The following UGT1A9 variants were observed in gnomAD, a reference collection of about 807,000 sequenced individuals.
UGT1A9 encodes the protein UDP-glucuronosyltransferase 1A9.
A neutral mutation model predicts 45.0 loss-of-function variants in UGT1A9; 35 were observed. That is an observed-to-expected ratio of 0.78 (90% CI 0.59 to 1.03). The LOEUF is 1.03. UGT1A9 is among the 50% of genes least tolerant of loss of function. The pLI is 0.00. For synonymous variants in UGT1A9, 278 were observed against 250.6 expected (o/e 1.11, Z -1.03); for missense variants, 687 against 666.6 (o/e 1.03, Z -0.34).
In UGT1A9 at chr2:233,760,439, A is replaced by C. The variant is rs1697446829; in HGVS notation, c.856-6595A>C. ...ATGCTTGGGGCCATCCAGCAGCTGC[A>C]GCAGAGGGGACATGAAATAGTTGTC... On this transcript the variant is annotated intron_variant, in intron 1 of 4. Transcript: ENST00000354728. 6.2e-7 allele frequency: 1 copy of C among 1,614,254 alleles called. No individual in the cohort carries two copies. The highest frequency in any genetic ancestry group is 1.7e-5 in the Admixed American group (1 of 60,030).
rs1268856154 is a variant in UGT1A9 at position 233,672,631 on chromosome 2, G to A, written c.697G>A (p.Glu233Lys). ...CAAAAATGCCCTAGAAATAGCCTCT[G>A]AAATTCTCCAAACACCTGTTACGGA... The part of the protein sequence containing the change: ...FFKNALEIAS[E>K]ILQTPVTEYD... Residue 233 changes from glutamate to lysine, a missense_variant, in exon 1 of 5, where the codon GAA becomes AAA. Glu to Lys is a moderately conservative substitution (Grantham distance 56, BLOSUM62 1). Coordinates refer to ENST00000354728, the MANE Select transcript of UGT1A9 (RefSeq NM_021027.3). The A allele has an allele frequency of 6.2e-7, 1 of 1,613,892 alleles. No individual in the cohort carries two copies. Among genetic ancestry groups the A allele is most frequent in the Non-Finnish European group, 8.5e-7 (1 of 1,179,834 alleles).
chr2:233,719,216 G>A (rs767651988), intron 1 of UGT1A9: 7 of 1,614,090 alleles, frequency 4.3e-6, no homozygotes, highest in East Asian at 4.5e-5. Context: ...TGGAGCTACT[G>A]CATAATGAGG....
At chr2:233,682,907 T>C in intron 1 of UGT1A9, 1 of 1,496,792 alleles carries the variant, frequency 6.7e-7, no homozygotes, top group Non-Finnish European at 8.8e-7. Flanking sequence ...TTCTTTCTGG[T>C]TTAAGGAATT....
At chr2:233,720,704 CTT>C (rs796417980) in intron 1 of UGT1A9, among the ~76,000 whole-genome samples, 9 of 139,144 alleles carry the variant, frequency 6.5e-5, no homozygotes, top group Non-Finnish European at 6.3e-5. Context: ...GGGAGCCATC[CTT>C]TTTTTTTTTT....
Position 233,772,339 on chromosome 2 carries a change from G to C in UGT1A9, c.1373G>C (p.Trp458Ser), listed in dbSNP as rs1424603943. 4.3e-6 allele frequency: 7 copies of C among 1,614,256 alleles called. No individual in the cohort carries two copies. Among genetic ancestry groups the C allele is most frequent in the Non-Finnish European group, 5.9e-6 (7 of 1,180,038 alleles). ...GAGCCGCTGGACCTGGCCGTGTTCT[G>C]GGTGGAGTTTGTGATGAGGCACAAG... ...PVEPLDLAVF[W>S]VEFVMRHKGA... is the part of the protein sequence containing the mutation. The change falls in exon 5 of 5, where the codon TGG becomes TCG. Residue 458 changes from tryptophan to serine, a missense_variant. Transcript: ENST00000354728.
intron 1 of UGT1A9, chr2:233,721,756 A>G (rs2076969655): frequency 2.2e-6 from 1 of 460,672 alleles, no homozygotes. Flanking sequence ...ATCTACATCT[A>G]AATTGTTATA....
chr2:233,692,909 GA>G, intron 1 of UGT1A9: 1 of 1,555,664 alleles, frequency 6.4e-7, no homozygotes, highest in Non-Finnish European at 8.6e-7. Context: ...CAGGACCTGT[GA>G]AAAGCAGTGG....
chr2:233,682,812 G>A lies in UGT1A9; in HGVS notation c.855+10023G>A, dbSNP rs1274355899. On this transcript the variant is annotated intron_variant, in intron 1 of 4. Coordinates refer to ENST00000354728, the MANE Select transcript of UGT1A9 (RefSeq NM_021027.3). ...CCTATGGTAAGTTATCTCCCCTTTA[G>A]CACATTAAGAATAATCTGGCTTTGG... The A allele has an allele frequency of 3.8e-6, 6 of 1,593,294 alleles. No homozygotes were observed. In the Admixed American group the frequency reaches 8.7e-5, roughly 23 times the overall value.
At chr2:233,770,330 A>G (rs757778787) in intron 4 of UGT1A9, 1 of 152,126 alleles carries the variant, frequency 6.6e-6, no homozygotes, top group East Asian at 1.9e-4. Flanking sequence ...ACCAGGCCAT[A>G]ATAGGTGCTC....
chr2:233,713,530 T>C (rs1170777444), intron 1 of UGT1A9: 2 of 1,613,964 alleles, frequency 1.2e-6, no homozygotes, highest in Non-Finnish European at 1.7e-6. Context: ...CCATGTGATT[T>C]AGACTTTAAG....
At chr2:233,738,152 A>T (rs1172003617) in intron 1 of UGT1A9, among the ~76,000 whole-genome samples, 1 of 152,050 alleles carries the variant, frequency 6.6e-6, no homozygotes, top group African/African-American at 2.4e-5. Flanking sequence ...CTTGCAAGCT[A>T]TTCCTCTTTC....
At chr2:233,694,827 CAT>C (rs1183581356) in intron 1 of UGT1A9, among the ~76,000 whole-genome samples, 2 of 152,188 alleles carry the variant, frequency 1.3e-5, no homozygotes, top group African/African-American at 4.8e-5. Flanking sequence ...GAAATAAAAA[CAT>C]AGAATGTCAG....
At chr2:233,711,370 A>C (rs1322789825) in intron 1 of UGT1A9, among the ~76,000 whole-genome samples, 1 of 152,234 alleles carries the variant, frequency 6.6e-6, no homozygotes, top group Non-Finnish European at 1.5e-5. Flanking sequence ...GAATGTGGTG[A>C]GAGCACCCTC....
chr2:233,676,347 A>G (rs559210336), intron 1 of UGT1A9, among the ~76,000 whole-genome samples: 1 of 152,328 alleles, frequency 6.6e-6, no homozygotes, highest in African/African-American at 2.4e-5. Context: ...TCATTGTAGA[A>G]TAAATATAGG....
intron 1 of UGT1A9, among the ~76,000 whole-genome samples, chr2:233,735,882 G>T (rs1173866401): frequency 6.6e-6 from 1 of 152,160 alleles, no homozygotes; most frequent in Admixed American, 6.5e-5. Flanking sequence ...GAGATCTGCT[G>T]TTAGTCTGAT....
chr2:233,759,533 T>A (rs1026147769), intron 1 of UGT1A9, among the ~76,000 whole-genome samples: 11 of 151,998 alleles, frequency 7.2e-5, no homozygotes, highest in African/African-American at 2.7e-4. Context: ...AAGACTTCTG[T>A]TCACATGCGC....
At chr2:233,688,686 T>C (rs2074910115) in intron 1 of UGT1A9, among the ~76,000 whole-genome samples, 1 of 152,222 alleles carries the variant, frequency 6.6e-6, no homozygotes, top group Non-Finnish European at 1.5e-5. Flanking sequence ...AAAAATTTAA[T>C]ATTAAACGTC....
chr2:233,729,525 T>C (rs763371606), intron 1 of UGT1A9: 3 of 1,614,216 alleles, frequency 1.9e-6, no homozygotes, highest in Non-Finnish European at 2.5e-6. Context: ...AGCTACTACA[T>C]AATGAGGCCC....
chr2:233,751,777 A>C (rs1694808291), intron 1 of UGT1A9, among the ~76,000 whole-genome samples: 1 of 152,126 alleles, frequency 6.6e-6, no homozygotes, highest in South Asian at 2.1e-4. Flanking sequence ...GACTTTGCTT[A>C]TCTCTCACCT....
Sources: allele counts gnomAD v4.1 joint callset (sites outside exome capture counted in the v4.1 genomes callset), GRCh38; gene constraint gnomAD v4.1.1; transcripts MANE v1.5; gene names NCBI Gene and HGNC (gene_info 2026-07-23, HGNC 2026-07-21).